Variants in CORO2B observed in about 807,000 individuals in gnomAD.
CORO2B encodes the protein coronin-2B.
Under a neutral mutation model 58.8 loss-of-function variants are expected in CORO2B, and 26 were observed. The observed-to-expected ratio is 0.44, with a 90% confidence interval of 0.32 to 0.61. The LOEUF (loss-of-function observed/expected upper bound fraction) is 0.61. CORO2B is among the 20% of genes least tolerant of loss of function. The probability of loss-of-function intolerance (pLI) is 0.04; values close to 1 mark genes in which losing one functional copy is unlikely to be tolerated. For missense variants in CORO2B, 460 were observed against 645.1 expected (o/e 0.71, Z 3.11); for synonymous variants, 242 against 253.8 (o/e 0.95, Z 0.44).
chr15:68,677,114 G>A (rs1205612850), intron 2 of CORO2B, among the ~76,000 whole-genome samples: 2 of 152,086 alleles, frequency 1.3e-5, no homozygotes, highest in African/African-American at 2.4e-5. Context: ...TGTGCTCCCC[G>A]CCAGGCCTGG....
At chr15:68,539,176 T>C in the CORO2B span, among the ~76,000 whole-genome samples, 1 of 152,142 alleles carries the variant, frequency 6.6e-6, no homozygotes, top group Non-Finnish European at 1.5e-5. Flanking sequence ...TGCAGGAGCC[T>C]GCTGAGAGAA....
the CORO2B span, among the ~76,000 whole-genome samples, chr15:68,558,266 A>T: frequency 2.6e-5 from 4 of 152,168 alleles, no homozygotes; most frequent in Non-Finnish European, 4.4e-5. Flanking sequence ...CTTCTCCGGA[A>T]GCTGTCTGCT....
chr15:68,581,166 C>T (rs1002829767), intron 1 of CORO2B, among the ~76,000 whole-genome samples: 1 of 152,172 alleles, frequency 6.6e-6, no homozygotes, highest in African/African-American at 2.4e-5. Context: ...AGCCCACTGG[C>T]AGGCCTAGCT....
chr15:68,722,533 T>G (rs1045144418), intron 11 of CORO2B, among the ~76,000 whole-genome samples: 1 of 152,218 alleles, frequency 6.6e-6, no homozygotes, highest in Non-Finnish European at 1.5e-5. Flanking sequence ...AATTGTAAGC[T>G]TAAAATGAGT....
At chr15:68,568,532 G>A in the CORO2B span, among the ~76,000 whole-genome samples, 1 of 152,140 alleles carries the variant, frequency 6.6e-6, no homozygotes, top group Non-Finnish European at 1.5e-5. Context: ...AAGTCAAAGT[G>A]ATTGACCTGA....
the CORO2B span, chr15:68,559,713 G>A: frequency 1.1e-6 from 1 of 884,672 alleles, no homozygotes. This position sits in a 1 kb window ranked among gnomAD's most constrained non-coding sequence, Gnocchi z 4.3. Flanking sequence ...GGTTCTCCCA[G>A]GGGGACTGTC....
chr15:68,556,049 C>T, the CORO2B span, among the ~76,000 whole-genome samples: 2 of 152,208 alleles, frequency 1.3e-5, no homozygotes, highest in African/African-American at 2.4e-5. Flanking sequence ...CTCTGCCCTT[C>T]GTGCAGTGCC....
chr15:68,711,187 G>A (rs1403251827), intron 4 of CORO2B, among the ~76,000 whole-genome samples: 13 of 152,116 alleles, frequency 8.5e-5, no homozygotes, highest in Admixed American at 7.2e-4. Context: ...TGGCAAAAGG[G>A]GTAACCAAAG....
the CORO2B span, among the ~76,000 whole-genome samples, chr15:68,545,735 G>A: frequency 6.6e-6 from 1 of 151,934 alleles, no homozygotes; most frequent in Non-Finnish European, 1.5e-5. Flanking sequence ...AACTATCATA[G>A]TCCAATGCTG....
chr15:68,641,863 A>G (rs1901255473), intron 1 of CORO2B, among the ~76,000 whole-genome samples: 1 of 151,984 alleles, frequency 6.6e-6, no homozygotes, highest in South Asian at 2.1e-4. Flanking sequence ...AGCTGAGACT[A>G]TAGGTGTGTA....
At chr15:68,602,879 C>G (rs1207946167) in intron 1 of CORO2B, among the ~76,000 whole-genome samples, 1 of 152,196 alleles carries the variant, frequency 6.6e-6, no homozygotes, top group Non-Finnish European at 1.5e-5. Context: ...CTGTACGAAT[C>G]TTGCAAGCAC....
chr15:68,539,700 A>G, the CORO2B span, among the ~76,000 whole-genome samples: 1 of 152,216 alleles, frequency 6.6e-6, no homozygotes, highest in Non-Finnish European at 1.5e-5. Context: ...TTATCATAAT[A>G]GAAAAACAGA....
In CORO2B at chr15:68,634,636, G is replaced by C. The variant is rs547758841; in HGVS notation, c.16-10524G>C. Among the ~76,000 whole-genome samples the C allele has an allele frequency of 2.0e-5, 3 of 152,306 alleles. No homozygotes were observed. In the South Asian group the frequency reaches 6.2e-4, roughly 32 times the overall value. ...AATAGCTTCAGCATCACCTGGCAAC[G>C]TGTTAGGGATGCAGATTCTCGGGCC... On this transcript the variant is annotated intron_variant, in intron 1 of 11. Coordinates refer to ENST00000261861, the MANE Select transcript of CORO2B (RefSeq NM_006091.5).
intron 1 of CORO2B, among the ~76,000 whole-genome samples, chr15:68,626,408 CTG>C (rs1350200189): frequency 6.6e-6 from 1 of 151,822 alleles, no homozygotes; most frequent in Non-Finnish European, 1.5e-5. Flanking sequence ...TGCTTAATCA[CTG>C]TGCTGGCTGC....
chr15:68,527,698 A>G, the CORO2B span, among the ~76,000 whole-genome samples: 6 of 152,306 alleles, frequency 3.9e-5, no homozygotes, highest in African/African-American at 1.4e-4. Flanking sequence ...TTACTTTTAA[A>G]AGCCTCGGAA....
At chr15:68,691,156 C>T (rs1380012257) in intron 2 of CORO2B, among the ~76,000 whole-genome samples, 8 of 150,342 alleles carry the variant, frequency 5.3e-5, no homozygotes, top group African/African-American at 4.9e-5. Flanking sequence ...GGTGAAACCC[C>T]GTCTCTACTA....
chr15:68,575,501 AT>A (rs781033847), upstream of CORO2B, among the ~76,000 whole-genome samples: 15 of 142,406 alleles, frequency 1.1e-4, no homozygotes, highest in Admixed American at 5.3e-4. Context: ...CGTCTGGCTA[AT>A]TTTGGTATGT....
chr15:68,580,573 G>A (rs186684166), intron 1 of CORO2B, among the ~76,000 whole-genome samples: 11 of 152,302 alleles, frequency 7.2e-5, no homozygotes, highest in Non-Finnish European at 1.3e-4. Flanking sequence ...TGGGAGCATT[G>A]TGAGAAGATG....
Position 68,609,649 on chromosome 15 carries a change from G to C in CORO2B, c.15+30372G>C, listed in dbSNP as rs547644795. On this transcript the variant is annotated intron_variant, in intron 1 of 11. Coordinates refer to ENST00000261861, the MANE Select transcript of CORO2B (RefSeq NM_006091.5). ...CCCAGCTCCTTCCACTGCCAGGCCT[G>C]AGCCCGCTGTCCCCTCCCCACTGCT... Among the ~76,000 whole-genome samples, 3 of 152,304 alleles carry C rather than the reference G, an allele frequency of 2.0e-5. No homozygotes were observed. The South Asian group carries it at 6.2e-4, about 32-fold the overall frequency.
Sources: allele counts gnomAD v4.1 joint callset (sites outside exome capture counted in the v4.1 genomes callset), GRCh38; gene constraint gnomAD v4.1.1; non-coding constraint Gnocchi (gnomAD v3.1); transcripts MANE v1.5; gene names NCBI Gene and HGNC (gene_info 2026-07-23, HGNC 2026-07-21).